The following MYH14 variants were observed in gnomAD, a reference collection of about 807,000 sequenced individuals.
MYH14 encodes the protein myosin heavy chain 14, also known as myosin-14.
A neutral mutation model predicts 255.5 loss-of-function variants in MYH14; 123 were observed. The ratio of observed to expected loss-of-function variants is 0.48; its 90% CI spans 0.42 to 0.56. MYH14 has a LOEUF of 0.56. Ranked by LOEUF, MYH14 falls within the 20% of genes least tolerant of loss-of-function variation. MYH14 has a pLI of 0.00. For synonymous variants in MYH14, 1,095 were observed against 1,161.2 expected (o/e 0.94, Z 1.16); for missense variants, 2,423 against 2,802.3 (o/e 0.86, Z 3.06).
In MYH14 at chr19:50,281,488, C is replaced by G. The variant is rs1601016163; in HGVS notation, c.4291-106C>G. The G allele has an allele frequency of 9.5e-6, 14 of 1,475,844 alleles. No individual in the cohort carries two copies. The East Asian group carries it at 3.2e-4, about 34-fold the overall frequency. 91.4% of individuals were successfully genotyped at this position (1,475,844 alleles called of 1,614,324 possible). The stretch of plus-strand genomic sequence containing the variant: ...AGAGCCCAGCAGAATGACCCCTTTC[C>G]CTCTTCAGGCCTCAGTCTCTTCATC... On this transcript the variant is annotated intron_variant, in intron 32 of 42. Transcript: ENST00000642316.
chr19:50,309,792 C>T lies in MYH14; in HGVS notation c.*2C>T. On this transcript the variant is annotated 3_prime_UTR_variant, in exon 43 of 43. Coordinates refer to ENST00000642316, the MANE Select transcript of MYH14 (RefSeq NM_001145809.2). ...TCCCCACCAGCCCACCCCCAGTGAC[C>T]CTACCCTGTCCCCAGATGCACTAAC... 6.4e-7 allele frequency: 1 copy of T among 1,566,270 alleles called. No individual in the cohort carries two copies. Among genetic ancestry groups the T allele is most frequent in the South Asian group, 1.2e-5 (1 of 85,536 alleles).
chr19:50,210,642 C>G lies in MYH14; in HGVS notation c.277C>G (p.Arg93Gly). 1.3e-6 allele frequency: 2 copies of G among 1,570,872 alleles called. No homozygotes were observed. Among genetic ancestry groups the G allele is most frequent in the Non-Finnish European group, 1.7e-6 (2 of 1,159,328 alleles). ...GAGCGGGAGGCGGCTGCGACTGCCGCGGGACCAGATCCAGCGCATGAACCC... is the reference window on the plus strand; with the variant it reads ...GAGCGGGAGGCGGCTGCGACTGCCGGGGGACCAGATCCAGCGCATGAACCC... ...AESGRRLRLP[R>G]DQIQRMNPPK... Residue 93 changes from arginine to glycine, a missense_variant, in exon 2 of 43, where the codon CGG becomes GGG. By Grantham distance (125) the Arg-to-Gly change is moderately radical (BLOSUM62 -2). Transcript: ENST00000642316.
chr19:50,281,120 G>A (rs986222375), intron 32 of MYH14, among the ~76,000 whole-genome samples: 2 of 152,212 alleles, frequency 1.3e-5, no homozygotes, highest in East Asian at 3.9e-4. Context: ...GTTGAGAAAT[G>A]CCTATTGAAT....
intron 10 of MYH14, among the ~76,000 whole-genome samples, chr19:50,240,514 A>G (rs2033849893): frequency 6.6e-6 from 1 of 152,172 alleles, no homozygotes; most frequent in Non-Finnish European, 1.5e-5. Flanking sequence ...CAGGAAGTTG[A>G]GGCTGCAGTA....
intron 3 of MYH14, among the ~76,000 whole-genome samples, chr19:50,218,498 T>C (rs2032616876): frequency 6.6e-6 from 1 of 151,668 alleles, no homozygotes; most frequent in Non-Finnish European, 1.5e-5. Flanking sequence ...CTCGGGAGGC[T>C]GAGGCAGGAG....
chr19:50,210,279 C>T (rs1357009063), intron 1 of MYH14, 84 bp from the exon 2 acceptor site: 3 of 1,308,074 alleles, frequency 2.3e-6, no homozygotes, highest in African/African-American at 1.6e-5. Context: ...GCAGAGGTGG[C>T]TGCCTGGGGA....
At position 50,230,421 on chromosome 19, in the gene MYH14, C is replaced by T; in HGVS notation, c.875-104C>T. On this transcript the variant is annotated intron_variant, in intron 8 of 42. Coordinates refer to ENST00000642316, the MANE Select transcript of MYH14 (RefSeq NM_001145809.2). The surrounding 1 kb of genome is among the most constrained non-coding windows in gnomAD (Gnocchi z 4.7). ...CTGGGCTGTGAGCGACTCCACTACA[C>T]CACAGGAGAGAAGGGGGCAGCGTGG... is the stretch of plus-strand genomic sequence containing the variant. The T allele has an allele frequency of 9.7e-7, 1 of 1,028,192 alleles. No individual in the cohort carries two copies. The highest frequency in any genetic ancestry group is 1.5e-6 in the Non-Finnish European group (1 of 676,754). 63.7% of individuals were successfully genotyped at this position (1,028,192 alleles called of 1,614,324 possible).
chr19:50,309,967 A>AC lies in MYH14; in HGVS notation c.*181dup. ...CCCTGCAACCTCCCATCAAAGGATG[A>AC]CCCCTAAACACAGAGGAGCGGGGCA... On this transcript the variant is annotated 3_prime_UTR_variant, in exon 43 of 43. Transcript: ENST00000642316. 1.4e-6 allele frequency: 1 copy of AC among 708,082 alleles called. No individual in the cohort carries two copies. The highest frequency in any genetic ancestry group is 2.5e-6 in the Non-Finnish European group (1 of 407,206). The allele number at this position is 708,082 out of a possible 1,614,324, so 43.9% of individuals were successfully genotyped here.
At chr19:50,249,594 C>CTCTGGGTCTCTGTCCCCTGTT (rs1449081620) in intron 13 of MYH14, 56 bp from the exon 14 acceptor site, 2 of 1,608,940 alleles carry the variant, frequency 1.2e-6, no homozygotes, top group East Asian at 4.5e-5. Flanking sequence ...TGTCCCCTGT[C>CTCTGGGTCTCTGTCCCCTGTT]TCTGGGTCTC....
intron 36 of MYH14, among the ~76,000 whole-genome samples, chr19:50,291,334 T>C (rs1331630323): frequency 6.6e-6 from 1 of 151,588 alleles, no homozygotes; most frequent in Non-Finnish European, 1.5e-5. Context: ...GACAGTCTCA[T>C]TCTGTCACCC....
chr19:50,224,024 GC>G (rs1474195432), intron 5 of MYH14, 129 bp from the exon 6 acceptor site: 1 of 723,066 alleles, frequency 1.4e-6, no homozygotes, highest in Non-Finnish European at 2.5e-6. Context: ...TACTCCACAT[GC>G]CCGGTTTCCC....
In MYH14 at chr19:50,230,562, G is replaced by A. The variant is rs753297261; in HGVS notation, c.912G>A (p.Lys304=). The A allele has an allele frequency of 1.6e-5, 25 of 1,571,636 alleles. No homozygotes were observed. Among genetic ancestry groups the A allele is most frequent in the Non-Finnish European group, 2.1e-5 (24 of 1,159,010 alleles). ...LEKSRAIRQA[K]DECSFHIFYQ... ...AGTCGCGGGCCATCCGCCAGGCCAA[G>A]GACGAGTGCAGCTTCCACATCTTCT... The change falls in exon 9 of 43, where the codon AAG becomes AAA. Residue 304 remains lysine (K), a synonymous_variant. Coordinates refer to ENST00000642316, the MANE Select transcript of MYH14 (RefSeq NM_001145809.2). This position sits in a 1 kb window ranked among gnomAD's most constrained non-coding sequence, Gnocchi z 4.7.
chr19:50,206,911 G>A (rs1179444790), intron 1 of MYH14, among the ~76,000 whole-genome samples: 2 of 151,788 alleles, frequency 1.3e-5, no homozygotes, highest in African/African-American at 4.8e-5. Context: ...GGGGACATTT[G>A]AGGCAGTGGA....
chr19:50,306,603 A>AC, intron 40 of MYH14, among the ~76,000 whole-genome samples: 2 of 152,370 alleles, frequency 1.3e-5, no homozygotes, highest in East Asian at 3.9e-4. Flanking sequence ...GGAGCCATGC[A>AC]AAATATAAGA....
chr19:50,298,749 T>TA (rs771671196), intron 39 of MYH14, among the ~76,000 whole-genome samples: 1,320 of 117,834 alleles, frequency 0.011, 12 homozygotes, highest in Middle Eastern at 0.044. Context: ...AGACTCCATC[T>TA]AAAAAAAAAA....
rs556541366 is a variant in MYH14, at chr19:50,247,094, A to G, written c.1301A>G (p.Tyr434Cys). Residue 434 changes from tyrosine to cysteine, a missense_variant, in exon 12 of 43, where the codon TAT becomes TGT. Around this residue, in one of 3 missense-constraint regions of MYH14, gnomAD observed 672 missense variants for 881.8 expected, o/e 0.76. Coordinates refer to ENST00000642316, the MANE Select transcript of MYH14 (RefSeq NM_001145809.2). ...CCTCGCATCAAAGTTGGCCGAGACT[A>G]TGTGCAGAAAGCCCAGACTAAGGAA... is the stretch of plus-strand genomic sequence containing the variant. Reference protein sequence around the residue: ...LTPRIKVGRDYVQKAQTKEQA... With the variant: ...LTPRIKVGRDCVQKAQTKEQA... The G allele has an allele frequency of 7.1e-5, 115 of 1,613,440 alleles. 1 individual carries two copies. The East Asian group carries it at 2.3e-3, about 32-fold the overall frequency.
intron 5 of MYH14, 163 bp downstream of exon 5, chr19:50,223,512 A>T: frequency 3.1e-6 from 2 of 652,384 alleles, no homozygotes; most frequent in South Asian, 3.5e-5. Flanking sequence ...CTGGAAGCAG[A>T]GTCAGGGGGA....
At chr19:50,227,563 C>A (rs534976315) in intron 8 of MYH14, among the ~76,000 whole-genome samples, 3 of 152,234 alleles carry the variant, frequency 2.0e-5, no homozygotes, top group Non-Finnish European at 4.4e-5. Context: ...CTAGCGAACC[C>A]CTCATCCTGT....
chr19:50,244,773 G>A (rs983200364), intron 11 of MYH14, among the ~76,000 whole-genome samples: 9 of 152,030 alleles, frequency 5.9e-5, no homozygotes, highest in Non-Finnish European at 1.0e-4. Context: ...CTGAGCCACC[G>A]TGCCTGGCCG....
Sources: gnomAD v4.1 joint callset for allele counts (sites outside exome capture counted in the v4.1 genomes callset) on GRCh38, gnomAD v4.1.1 for gene constraint, gnomAD v4.1.1 regional missense constraint, Gnocchi (gnomAD v3.1) non-coding constraint, MANE v1.5 for transcripts, NCBI Gene and HGNC (gene_info 2026-07-23, HGNC 2026-07-21) for gene names.